Variants in CHAF1A observed in about 807,000 individuals in gnomAD.
The protein encoded by CHAF1A is chromatin assembly factor 1 subunit A.
In CHAF1A, 5 loss-of-function variants were observed where a neutral mutation model predicts 93.2. That is an observed-to-expected ratio of 0.05 (90% confidence interval 0.03 to 0.11). The LOEUF (loss-of-function observed/expected upper bound fraction) is 0.11, where lower values mean the gene tolerates loss of function less well. Ranked by LOEUF, CHAF1A falls within the 10% of genes least tolerant of loss-of-function variation. The pLI, the probability that CHAF1A is intolerant of heterozygous loss-of-function variation, is 1.00. For synonymous variants in CHAF1A, 504 were observed against 510.3 expected (o/e 0.99, Z 0.17); for missense variants, 1,102 against 1,259.9 (o/e 0.87, Z 1.90).
chr19:4,430,524 ACT>A (rs1290865228), intron 10 of CHAF1A, 23 bp from the exon 11 acceptor site: 9 of 1,489,398 alleles, frequency 6.0e-6, no homozygotes, highest in African/African-American at 2.8e-5. Context: ...TATCTGATGA[ACT>A]CTTTTTTTTT....
chr19:4,428,290 C>G (rs1169969209), intron 7 of CHAF1A, among the ~76,000 whole-genome samples: 1 of 139,144 alleles, frequency 7.2e-6, no homozygotes, highest in African/African-American at 2.7e-5. Flanking sequence ...CTGCCCCCGG[C>G]CTTTTTTTTT....
chr19:4,419,947 G>C (rs1480385242), intron 4 of CHAF1A, among the ~76,000 whole-genome samples: 1 of 152,096 alleles, frequency 6.6e-6, no homozygotes, highest in African/African-American at 2.4e-5. Flanking sequence ...TAGTCTCCTT[G>C]TTCAGTCCAG....
chr19:4,450,130 C>T, the CHAF1A span: 1 of 150,340 alleles, frequency 6.7e-6, no homozygotes, highest in Non-Finnish European at 1.5e-5. Context: ...GAGGCTGAGG[C>T]AGGTGAATTG....
chr19:4,413,038 G>A (rs1369761944), intron 3 of CHAF1A, among the ~76,000 whole-genome samples: 1 of 152,064 alleles, frequency 6.6e-6, no homozygotes, highest in Admixed American at 6.6e-5. Flanking sequence ...GGTTTGGTTG[G>A]TTTGCTTGCT....
At chr19:4,448,027 C>G (rs1444217645), downstream of CHAF1A, 3 of 532,992 alleles carry the variant, frequency 5.6e-6, no homozygotes, top group South Asian at 2.2e-5. Flanking sequence ...GATCCTGAGA[C>G]CCGGGGAGTG....
At chr19:4,445,726 C>T, downstream of CHAF1A, 1 of 1,526,566 alleles carries the variant, frequency 6.6e-7, no homozygotes, top group Non-Finnish European at 8.8e-7. Context: ...GGCCTGGAAG[C>T]CATCTCAGCT....
At chr19:4,449,579 A>G (rs959548686), downstream of CHAF1A, 5 of 152,344 alleles carry the variant, frequency 3.3e-5, no homozygotes, top group African/African-American at 1.2e-4. Flanking sequence ...AGCGCCCGGG[A>G]CAGCACACCA....
rs1421092805 is a variant in CHAF1A at position 4,422,674 on chromosome 19, G to A, written c.1126G>A (p.Glu376Lys). The change falls in exon 5 of 15, where the codon GAG (glutamate) becomes AAG (lysine). Residue 376 changes from glutamate (E) to lysine (K), a missense_variant. Physicochemically the swap from Glu to Lys is moderately conservative, Grantham distance 56. This residue lies in a region of CHAF1A where 165 missense variants were observed against 243.9 expected (regional missense o/e 0.68). Coordinates refer to ENST00000301280, the MANE Select transcript of CHAF1A (RefSeq NM_005483.3). The surrounding 1 kb of genome is among the most constrained non-coding windows in gnomAD (Gnocchi z 4.6). Reference protein sequence around the residue: ...RAKEEAKKKKEEEKELKEKER... With the variant: ...RAKEEAKKKKKEEKELKEKER... ...CAAGGAGGAGGCCAAGAAGAAGAAG[G>A]AGGAAGAGAAGGAGCTTAAGGAAAA... 4 of 1,610,676 alleles carry A rather than the reference G, an allele frequency of 2.5e-6. No homozygotes were observed. Among genetic ancestry groups the A allele is most frequent in the South Asian group, 1.1e-5 (1 of 90,598 alleles).
chr19:4,420,217 G>A (rs1378514435), intron 4 of CHAF1A, among the ~76,000 whole-genome samples: 1 of 151,644 alleles, frequency 6.6e-6, no homozygotes, highest in African/African-American at 2.4e-5. Flanking sequence ...TGTTAGGAGC[G>A]GGCACCTGTG....
At chr19:4,403,699 T>TA (rs1401184991) in intron 1 of CHAF1A, among the ~76,000 whole-genome samples, 1 of 152,206 alleles carries the variant, frequency 6.6e-6, no homozygotes, top group Non-Finnish European at 1.5e-5. Flanking sequence ...CAGCCAGAAA[T>TA]ACCATTGCCC....
chr19:4,445,589 A>C, downstream of CHAF1A: 1 of 1,613,710 alleles, frequency 6.2e-7, no homozygotes, highest in East Asian at 2.2e-5. Context: ...CAGCACAGCC[A>C]TGTCCCACGA....
At chr19:4,447,341 AT>A, downstream of CHAF1A, 1 of 594,780 alleles carries the variant, frequency 1.7e-6, no homozygotes, top group South Asian at 2.0e-5. Context: ...GAGAGGCAGA[AT>A]TTGTTGATTT....
chr19:4,429,604 A>G lies in CHAF1A; in HGVS notation c.1771A>G (p.Thr591Ala). 1.2e-6 allele frequency: 2 copies of G among 1,614,114 alleles called. No homozygotes were observed. The highest frequency in any genetic ancestry group is 1.6e-4 in the Middle Eastern group (1 of 6,062). ...IRARDPWAQD[T>A]KLLDYEVDSD... is the part of the protein sequence containing the mutation. Reference sequence around the variant, plus strand: ...CGCGCGAGACCCCTGGGCCCAGGACACGGTGAGCTAGCCCCAGAGTGCCTC... The same window carrying G: ...CGCGCGAGACCCCTGGGCCCAGGACGCGGTGAGCTAGCCCCAGAGTGCCTC... Residue 591 changes from threonine to alanine, a missense_variant and splice_region_variant, in exon 9 of 15, where the codon ACG (threonine) becomes GCG (alanine). By Grantham distance (58) the Thr-to-Ala change is moderately conservative. This residue lies in a region of CHAF1A where 335 missense variants were observed against 361.9 expected (regional missense o/e 0.93). Transcript: ENST00000301280.
At chr19:4,412,599 A>G (rs1212624362) in intron 3 of CHAF1A, among the ~76,000 whole-genome samples, 1 of 151,920 alleles carries the variant, frequency 6.6e-6, no homozygotes, top group East Asian at 1.9e-4. Flanking sequence ...GTTTGTTTCC[A>G]TGTCCACAGC....
In CHAF1A at chr19:4,409,459, G is replaced by C. The variant is rs1364103690; in HGVS notation, c.660G>C (p.Lys220Asn). 10 of 1,613,990 alleles carry C rather than the reference G, an allele frequency of 6.2e-6. No individual in the cohort carries two copies. Among genetic ancestry groups the C allele is most frequent in the Non-Finnish European group, 8.5e-6 (10 of 1,180,016 alleles). Residue 220 changes from lysine to asparagine, a missense_variant, in exon 3 of 15, where the codon AAG (lysine) becomes AAC (asparagine). This residue lies in a region of CHAF1A where 379 missense variants were observed against 365.7 expected (regional missense o/e 1.04). Transcript: ENST00000301280. Reference sequence around the variant, plus strand: ...GTGGCCCGAGAATGTGCCCCAGAAAGGAGCAGGACAGTTGGAGTGAAGCTG... The same window carrying C: ...GTGGCCCGAGAATGTGCCCCAGAAACGAGCAGGACAGTTGGAGTGAAGCTG... ...LTSGPRMCPR[K>N]EQDSWSEAGG...
intron 11 of CHAF1A, 45 bp from the exon 12 acceptor site, chr19:4,431,907 G>A: frequency 6.4e-7 from 1 of 1,561,884 alleles, no homozygotes. Context: ...CCCGGGCATA[G>A]GGGAGCAAGA....
At position 4,433,937 on chromosome 19, in the gene CHAF1A, T is replaced by C. The variant is rs928409889; in HGVS notation, c.2673+398T>C. Among the ~76,000 whole-genome samples the C allele has an allele frequency of 1.3e-5, 2 of 151,954 alleles. No homozygotes were observed. The highest frequency in any genetic ancestry group is 4.8e-5 in the African/African-American group (2 of 41,368). ...TTAAATAACCTTACTCTTAGAGCAG[T>C]TTTAGGGTCACAGCAAAATCGATTG... is the stretch of plus-strand genomic sequence containing the variant. On this transcript the variant is annotated intron_variant, in intron 13 of 14. Coordinates refer to ENST00000301280, the MANE Select transcript of CHAF1A (RefSeq NM_005483.3). This position sits in a 1 kb window ranked among gnomAD's most constrained non-coding sequence, Gnocchi z 5.6.
intron 13 of CHAF1A, among the ~76,000 whole-genome samples, chr19:4,436,032 G>A (rs1246775141): frequency 3.9e-5 from 6 of 152,070 alleles, no homozygotes; most frequent in South Asian, 4.1e-4. Context: ...TCAGCTACTC[G>A]GGAGGTTGAG....
At chr19:4,408,461 CTT>C (rs778100682) in intron 2 of CHAF1A, among the ~76,000 whole-genome samples, 110 of 35,982 alleles carry the variant, frequency 3.1e-3, no homozygotes, top group Non-Finnish European at 3.7e-3. Flanking sequence ...CGCACCCGGC[CTT>C]TTTTTTTTTT....
Sources: gnomAD v4.1 joint callset for allele counts (sites outside exome capture counted in the v4.1 genomes callset) on GRCh38, gnomAD v4.1.1 for gene constraint, gnomAD v4.1.1 regional missense constraint, Gnocchi (gnomAD v3.1) non-coding constraint, MANE v1.5 for transcripts, NCBI Gene and HGNC (gene_info 2026-07-23, HGNC 2026-07-21) for gene names.